The following PPARGC1A variants were observed in gnomAD, a reference collection of about 807,000 sequenced individuals.
The protein encoded by PPARGC1A is PPARG coactivator 1 alpha.
PPARGC1A carries 25 observed loss-of-function variants against 88.7 expected under a neutral mutation model. The ratio of observed to expected loss-of-function variants is 0.28; its 90% CI spans 0.21 to 0.39. The LOEUF (loss-of-function observed/expected upper bound fraction) is 0.39. PPARGC1A is among the 10% of genes least tolerant of loss of function. PPARGC1A has a pLI of 1.00. For synonymous variants in PPARGC1A, 363 were observed against 355.6 expected, an observed-to-expected ratio of 1.02 and a Z score of -0.24; for missense variants, 880 against 968.7, an observed-to-expected ratio of 0.91 and a Z score of 1.22.
At chr4:24,041,976 T>A in the PPARGC1A span, among the ~76,000 whole-genome samples, 2 of 152,002 alleles carry the variant, frequency 1.3e-5, no homozygotes, top group Non-Finnish European at 2.9e-5. Flanking sequence ...TGACTGTATA[T>A]GGAATCTTTA....
the PPARGC1A span, among the ~76,000 whole-genome samples, chr4:24,036,975 T>G: frequency 6.6e-6 from 1 of 152,184 alleles, no homozygotes; most frequent in Non-Finnish European, 1.5e-5. Context: ...ATCTACACAT[T>G]TAAAAGAGTT....
the PPARGC1A span, among the ~76,000 whole-genome samples, chr4:24,288,025 C>T: frequency 4.6e-5 from 7 of 152,200 alleles, no homozygotes; most frequent in South Asian, 6.2e-4. Flanking sequence ...GGCAACTTTG[C>T]GGGTGCCCTC....
chr4:24,042,183 C>T, the PPARGC1A span, among the ~76,000 whole-genome samples: 4 of 152,280 alleles, frequency 2.6e-5, no homozygotes, highest in South Asian at 2.1e-4. Flanking sequence ...CTACCAGCCC[C>T]GCTCAGCATT....
the PPARGC1A span, among the ~76,000 whole-genome samples, chr4:24,415,919 C>A: frequency 1.3e-5 from 2 of 152,152 alleles, no homozygotes; most frequent in Admixed American, 1.3e-4. Flanking sequence ...AGCTCCTACC[C>A]ATGAGGAGAT....
the PPARGC1A span, among the ~76,000 whole-genome samples, chr4:23,964,821 G>A: frequency 2.6e-5 from 4 of 152,190 alleles, no homozygotes; most frequent in Non-Finnish European, 5.9e-5. Context: ...GAGAAAGAGA[G>A]AGTGCTTAGT....
the PPARGC1A span, among the ~76,000 whole-genome samples, chr4:24,135,501 G>A: frequency 4.5e-4 from 68 of 152,014 alleles, no homozygotes; most frequent in African/African-American, 1.4e-3. Flanking sequence ...TTCTCCTCTC[G>A]TAAGAAAATG....
At chr4:23,892,632 T>G (rs1194862353), upstream of PPARGC1A, among the ~76,000 whole-genome samples, 1 of 151,960 alleles carries the variant, frequency 6.6e-6, no homozygotes, top group East Asian at 1.9e-4. Flanking sequence ...GCCATTTCTC[T>G]ATTTAATTCT....
chr4:23,961,539 C>A, the PPARGC1A span, among the ~76,000 whole-genome samples: 1 of 152,146 alleles, frequency 6.6e-6, no homozygotes, highest in South Asian at 2.1e-4. Context: ...ATCCATTTCC[C>A]AGAGCAACCC....
At chr4:23,805,596 C>T (rs191868258) in intron 10 of PPARGC1A, among the ~76,000 whole-genome samples, 3 of 152,254 alleles carry the variant, frequency 2.0e-5, no homozygotes, top group African/African-American at 7.2e-5. Context: ...CCCAGACCAT[C>T]GATACACACT....
the PPARGC1A span, among the ~76,000 whole-genome samples, chr4:24,251,711 G>A: frequency 2.0e-5 from 3 of 152,056 alleles, no homozygotes; most frequent in East Asian, 5.8e-4. Context: ...AAAAGATTAG[G>A]TCATTTTTCT....
chr4:23,843,806 C>T (rs1247664969), intron 2 of PPARGC1A, among the ~76,000 whole-genome samples: 1 of 151,998 alleles, frequency 6.6e-6, no homozygotes, highest in Non-Finnish European at 1.5e-5. Flanking sequence ...TCACTGACTG[C>T]TTGCCAGTTA....
the PPARGC1A span, among the ~76,000 whole-genome samples, chr4:23,988,320 T>A: frequency 6.6e-6 from 1 of 152,070 alleles, no homozygotes; most frequent in East Asian, 1.9e-4. Context: ...GATTGCTGAG[T>A]CAAATGGTAT....
the PPARGC1A span, among the ~76,000 whole-genome samples, chr4:24,029,510 T>C: frequency 1.3e-5 from 2 of 152,174 alleles, no homozygotes; most frequent in African/African-American, 4.8e-5. Context: ...CTCTGTGATT[T>C]GGGGTGTGGT....
At chr4:23,980,833 A>G in the PPARGC1A span, among the ~76,000 whole-genome samples, 1 of 152,144 alleles carries the variant, frequency 6.6e-6, no homozygotes, top group Non-Finnish European at 1.5e-5. Flanking sequence ...ACATGGGTGC[A>G]GAACTTAGAT....
At chr4:24,121,735 T>C in the PPARGC1A span, among the ~76,000 whole-genome samples, 35 of 152,350 alleles carry the variant, frequency 2.3e-4, no homozygotes, top group East Asian at 5.8e-3. Context: ...ACATTCATTA[T>C]ACTCCTGAGT....
At chr4:24,198,721 A>G in the PPARGC1A span, among the ~76,000 whole-genome samples, 3 of 152,184 alleles carry the variant, frequency 2.0e-5, no homozygotes, top group African/African-American at 7.2e-5. Context: ...GGAAGCTGGA[A>G]TAAGGGAATG....
At chr4:24,216,790 G>A in the PPARGC1A span, among the ~76,000 whole-genome samples, 1 of 152,094 alleles carries the variant, frequency 6.6e-6, no homozygotes, top group Non-Finnish European at 1.5e-5. Flanking sequence ...GTAAGCACCC[G>A]TTAGATTTCC....
the PPARGC1A span, among the ~76,000 whole-genome samples, chr4:23,945,894 C>T: frequency 6.6e-6 from 1 of 152,148 alleles, no homozygotes; most frequent in Non-Finnish European, 1.5e-5. Flanking sequence ...CAGTGACTCA[C>T]ATGTCATCAT....
At chr4:24,166,587 T>C in the PPARGC1A span, among the ~76,000 whole-genome samples, 2 of 152,224 alleles carry the variant, frequency 1.3e-5, no homozygotes, top group Admixed American at 1.3e-4. Flanking sequence ...TCATTTACCA[T>C]TTCAGAAATC....
Sources: allele counts gnomAD v4.1 joint callset (sites outside exome capture counted in the v4.1 genomes callset), GRCh38; gene constraint gnomAD v4.1.1; transcripts MANE v1.5; gene names NCBI Gene and HGNC (gene_info 2026-07-23, HGNC 2026-07-21).